TRPM7: variants seen among roughly 807,000 people sequenced by gnomAD.
TRPM7 encodes transient receptor potential cation channel subfamily M member 7.
TRPM7 carries 134 observed loss-of-function variants against 229.7 expected under a neutral mutation model. That is an observed-to-expected ratio of 0.58 (90% CI 0.51 to 0.67). The LOEUF (loss-of-function observed/expected upper bound fraction) is 0.67. Ranked by LOEUF, TRPM7 falls within the 30% of genes least tolerant of loss-of-function variation. The pLI, the probability that TRPM7 is intolerant of heterozygous loss-of-function variation, is 0.00. For synonymous variants in TRPM7, 699 were observed against 715.2 expected (o/e 0.98, Z 0.36); for missense variants, 1,901 against 2,210.0 (o/e 0.86, Z 2.80).
intron 11 of TRPM7, 39 bp downstream of exon 11, chr15:50,628,110 G>T: frequency 7.2e-7 from 1 of 1,395,200 alleles, no homozygotes; most frequent in Non-Finnish European, 1.0e-6. Flanking sequence ...ATTACTTAGT[G>T]TAATTTAATT....
chr15:50,679,031 G>T lies in TRPM7; in HGVS notation c.3+7500C>A, dbSNP rs559762171. ...TGGGACTACAGGTGCGTGCCACCAC[G>T]CCCGGCTAATTTTTGTATTTTTAGT... On this transcript the variant is annotated intron_variant, in intron 1 of 38. Coordinates refer to ENST00000646667, the MANE Select transcript of TRPM7 (RefSeq NM_017672.6). Among the ~76,000 whole-genome samples, 10 of 152,052 alleles carry T rather than the reference G, an allele frequency of 6.6e-5. No homozygotes were observed. In the South Asian group the frequency reaches 2.1e-3, roughly 32 times the overall value.
At chr15:50,589,061 C>A (rs2140343465) in intron 27 of TRPM7, among the ~76,000 whole-genome samples, 1 of 152,252 alleles carries the variant, frequency 6.6e-6, no homozygotes, top group East Asian at 1.9e-4. Flanking sequence ...GTGGCTCACG[C>A]CTATAATCCC....
At chr15:50,672,898 CAAAAAAAAAAAAAA>C (rs35153596) in intron 1 of TRPM7, among the ~76,000 whole-genome samples, 5 of 26,218 alleles carry the variant, frequency 1.9e-4, no homozygotes, top group Non-Finnish European at 3.5e-4. Flanking sequence ...GACTCTGTCT[CAAAAAAAAAAAAAA>C]AAAAAAAAAA....
At chr15:50,577,931 T>C (rs758203264) in intron 31 of TRPM7, among the ~76,000 whole-genome samples, 3 of 152,096 alleles carry the variant, frequency 2.0e-5, no homozygotes, top group African/African-American at 7.2e-5. Context: ...TTTATAACAA[T>C]ATGTTAAGAA....
intron 25 of TRPM7, 130 bp from the exon 26 acceptor site, chr15:50,592,756 A>G: frequency 1.6e-6 from 1 of 637,794 alleles, no homozygotes; most frequent in Non-Finnish European, 2.6e-6. Flanking sequence ...AAAATAAGGT[A>G]CAGTTATTTA....
chr15:50,686,184 G>A (rs1238430988), intron 1 of TRPM7, among the ~76,000 whole-genome samples: 1 of 152,224 alleles, frequency 6.6e-6, no homozygotes, highest in Admixed American at 6.5e-5. Context: ...TGCGGAGCTT[G>A]TAGGCTGAGC....
intron 1 of TRPM7, among the ~76,000 whole-genome samples, chr15:50,679,501 GTATATATATAATATATATATATA>G (rs1567129101): frequency 8.3e-5 from 7 of 84,626 alleles, no homozygotes; most frequent in African/African-American, 3.1e-4. Context: ...ATATATATGT[GTATATATATAATATATATATATA>G]TATATATATA....
intron 9 of TRPM7, 52 bp downstream of exon 9, chr15:50,632,817 T>G (rs1208398530): frequency 2.8e-5 from 41 of 1,454,450 alleles, no homozygotes; most frequent in Non-Finnish European, 3.7e-5. Context: ...GTGTTTTGAA[T>G]GAAAGAAAAA....
At chr15:50,685,978 T>C (rs1461630857) in intron 1 of TRPM7, among the ~76,000 whole-genome samples, 2 of 152,202 alleles carry the variant, frequency 1.3e-5, no homozygotes, top group Non-Finnish European at 2.9e-5. Flanking sequence ...TCCCTCCCTT[T>C]TGGTTCCAAA....
Position 50,682,173 on chromosome 15 carries a change from CAA to C in TRPM7, c.3+4356_3+4357del, listed in dbSNP as rs34590459. Among the ~76,000 whole-genome samples, 54 of 63,670 alleles carry C rather than the reference CAA, an allele frequency of 8.5e-4. 1 individual carries two copies. The highest frequency in any genetic ancestry group is 1.4e-3 in the Admixed American group (6 of 4,346). 41.8% of individuals were successfully genotyped at this position (63,670 alleles called of 152,430 possible). ...TGGGCAAAAGAGCAAAACTCAGTCT[CAA>C]AAAAAAAAAAAAAAAAGGACTGTGA... On this transcript the variant is annotated intron_variant, in intron 1 of 38. Transcript: ENST00000646667.
At chr15:50,684,014 G>C (rs1173040221) in intron 1 of TRPM7, among the ~76,000 whole-genome samples, 1 of 151,668 alleles carries the variant, frequency 6.6e-6, no homozygotes, top group African/African-American at 2.4e-5. Flanking sequence ...TGCCCATCAC[G>C]ACGCCCTGCT....
intron 1 of TRPM7, among the ~76,000 whole-genome samples, chr15:50,678,038 G>A (rs2062135689): frequency 6.6e-6 from 1 of 151,614 alleles, no homozygotes; most frequent in Non-Finnish European, 1.5e-5. Flanking sequence ...AGGAGATTGA[G>A]ACCAGTCTGA....
Position 50,628,173 on chromosome 15 carries a change from T to C in TRPM7, c.1281A>G (p.Val427=), listed in dbSNP as rs2060624751. 1.2e-6 allele frequency: 2 copies of C among 1,613,074 alleles called. No homozygotes were observed. The highest frequency in any genetic ancestry group is 1.7e-6 in the Non-Finnish European group (2 of 1,179,574). Residue 427 remains valine (V), a synonymous_variant, in exon 11 of 39, where the codon GTA becomes GTG. Transcript: ENST00000646667. The stretch of plus-strand genomic sequence containing the variant: ...CCAGCCACTGCTGTCCATAAACAAA[T>C]ACATGATTTTTGGCAATGTCAACTC... The part of the protein sequence containing the change: ...WDRVDIAKNH[V]FVYGQQWLVG...
intron 21 of TRPM7, chr15:50,604,055 T>G (rs779408556): frequency 1.1e-4 from 17 of 152,174 alleles, no homozygotes; most frequent in Non-Finnish European, 2.2e-4. Flanking sequence ...AATAGCTATA[T>G]TACAAATTTT....
intron 7 of TRPM7, 50 bp downstream of exon 7, chr15:50,637,372 A>T: frequency 6.6e-7 from 1 of 1,526,148 alleles, no homozygotes; most frequent in Non-Finnish European, 8.9e-7. Context: ...TTTGGCTATT[A>T]GTACAGCCCA....
At chr15:50,617,630 G>A (rs1246058927) in intron 13 of TRPM7, among the ~76,000 whole-genome samples, 4 of 151,844 alleles carry the variant, frequency 2.6e-5, no homozygotes, top group South Asian at 2.1e-4. Flanking sequence ...CATCCTCAAG[G>A]CTGTTAAAAT....
rs904017480 is a variant in TRPM7 at position 50,591,058 on chromosome 15, A to AT, written c.4324+852dup. On this transcript the variant is annotated intron_variant, in intron 26 of 38. Coordinates refer to ENST00000646667, the MANE Select transcript of TRPM7 (RefSeq NM_017672.6). Reference sequence around the variant, plus strand: ...TTAATGTGTTACTGCCAAAATAAACATTTTTTTTTGTTCTTATCTTATTTA... The same window carrying AT: ...TTAATGTGTTACTGCCAAAATAAACATTTTTTTTTTGTTCTTATCTTATTTA... 1.9e-4 allele frequency among the ~76,000 whole-genome samples: 29 copies of AT among 151,622 alleles called. No individual in the cohort carries two copies. In the East Asian group the frequency reaches 3.9e-3, roughly 20 times the overall value.
chr15:50,650,739 T>C (rs1046244893), intron 3 of TRPM7, among the ~76,000 whole-genome samples: 1 of 151,836 alleles, frequency 6.6e-6, no homozygotes, highest in African/African-American at 2.4e-5. Context: ...AGACAGCCCA[T>C]GCCCTGACAA....
chr15:50,588,916 A>G (rs977474440), intron 27 of TRPM7, among the ~76,000 whole-genome samples: 3 of 152,234 alleles, frequency 2.0e-5, no homozygotes, highest in African/African-American at 7.2e-5. Flanking sequence ...ACTGCTAGAC[A>G]ATAGGTTTCT....
Sources: gnomAD v4.1 joint callset for allele counts (sites outside exome capture counted in the v4.1 genomes callset) on GRCh38, gnomAD v4.1.1 for gene constraint, MANE v1.5 for transcripts, NCBI Gene and HGNC (gene_info 2026-07-23, HGNC 2026-07-21) for gene names.